The following ADAMTSL1 variants were observed in gnomAD, a reference collection of about 807,000 sequenced individuals.
ADAMTSL1 encodes the protein ADAMTS-like protein 1.
A neutral mutation model predicts 201.8 loss-of-function variants in ADAMTSL1; 126 were observed. The ratio of observed to expected loss-of-function variants is 0.62; its 90% CI spans 0.54 to 0.72. The LOEUF (loss-of-function observed/expected upper bound fraction) is 0.72. ADAMTSL1 is among the 30% of genes least tolerant of loss of function. The pLI, the probability that ADAMTSL1 is intolerant of heterozygous loss-of-function variation, is 0.00. For synonymous variants in ADAMTSL1, 1,121 were observed against 903.4 expected, an observed-to-expected ratio of 1.24 and a Z score of -4.32; for missense variants, 2,679 against 2,277.8, an observed-to-expected ratio of 1.18 and a Z score of -3.59.
intron 26 of ADAMTSL1, among the ~76,000 whole-genome samples, chr9:18,902,114 T>C (rs912229391): frequency 3.3e-5 from 5 of 152,288 alleles, no homozygotes; most frequent in Admixed American, 1.3e-4. Context: ...CCAAAGTATA[T>C]GAATCAAACA....
intron 23 of ADAMTSL1, among the ~76,000 whole-genome samples, chr9:18,842,715 G>T (rs1825806468): frequency 6.6e-6 from 1 of 152,100 alleles, no homozygotes; most frequent in Admixed American, 6.6e-5. Context: ...GAATCTGGGT[G>T]CTCCCATATT....
intron 2 of ADAMTSL1, among the ~76,000 whole-genome samples, chr9:18,302,003 G>A (rs1338030999): frequency 6.6e-6 from 1 of 152,192 alleles, no homozygotes; most frequent in Non-Finnish European, 1.5e-5. Flanking sequence ...TATGTCCAAA[G>A]AGAAAGTCTG....
At chr9:18,763,100 T>C (rs937801018) in intron 16 of ADAMTSL1, among the ~76,000 whole-genome samples, 2 of 152,210 alleles carry the variant, frequency 1.3e-5, no homozygotes, top group Non-Finnish European at 2.9e-5. Flanking sequence ...TCCATAGTGG[T>C]TGTACTAATT....
chr9:18,877,096 G>C (rs7873491), intron 23 of ADAMTSL1, among the ~76,000 whole-genome samples: 3,619 of 151,948 alleles, frequency 0.024, 153 homozygotes, highest in African/African-American at 0.083. Context: ...AGTTATGATT[G>C]TTTTTTATTT....
At chr9:18,797,804 A>G (rs1244154546) in intron 20 of ADAMTSL1, among the ~76,000 whole-genome samples, 1 of 152,218 alleles carries the variant, frequency 6.6e-6, no homozygotes, top group Non-Finnish European at 1.5e-5. Context: ...ACTTAACCCA[A>G]TGCCAGGCAC....
upstream of ADAMTSL1, among the ~76,000 whole-genome samples, chr9:18,471,601 T>C (rs537926388): frequency 4.6e-5 from 7 of 152,328 alleles, no homozygotes; most frequent in Admixed American, 2.6e-4. Context: ...TCTGAAGTTA[T>C]AGTAAATTTG....
intron 1 of ADAMTSL1, among the ~76,000 whole-genome samples, chr9:17,985,934 C>T (rs1481473329): frequency 6.6e-6 from 1 of 152,112 alleles, no homozygotes; most frequent in Non-Finnish European, 1.5e-5. Context: ...TGGCCCAGGA[C>T]TCTTGTTCCA....
intron 9 of ADAMTSL1, among the ~76,000 whole-genome samples, chr9:18,674,415 A>G (rs1830017204): frequency 6.6e-6 from 1 of 152,016 alleles, no homozygotes; most frequent in African/African-American, 2.4e-5. Context: ...TCTCTCATGT[A>G]TCCCCTAACC....
intron 23 of ADAMTSL1, among the ~76,000 whole-genome samples, chr9:18,869,686 A>G (rs557318522): frequency 6.6e-6 from 1 of 152,294 alleles, no homozygotes; most frequent in Admixed American, 6.5e-5. Flanking sequence ...GTCAACCATC[A>G]TTCACATCAT....
At chr9:18,371,651 A>C (rs59057443) in intron 2 of ADAMTSL1, among the ~76,000 whole-genome samples, 6,232 of 152,314 alleles carry the variant, frequency 0.041, 244 homozygotes, top group African/African-American at 0.1. Context: ...CATGAAATAC[A>C]TGCCCCTAAA....
intron 3 of ADAMTSL1, among the ~76,000 whole-genome samples, chr9:18,565,175 G>A (rs1821797586): frequency 6.6e-6 from 1 of 152,182 alleles, no homozygotes; most frequent in Non-Finnish European, 1.5e-5. Context: ...TATCTTTTAT[G>A]TCTGGACCTG....
rs190431074 is a variant in ADAMTSL1 at position 18,778,443 on chromosome 9, A to G, written c.3677+537A>G. Among the ~76,000 whole-genome samples the G allele has an allele frequency of 9.4e-3, 1,434 of 152,282 alleles. 13 individuals are homozygous for G. Among genetic ancestry groups the G allele is most frequent in the South Asian group, 0.018 (85 of 4,816 alleles). The stretch of plus-strand genomic sequence containing the variant: ...TTATTCCCAGTGGGACCTGTGATTG[A>G]TTATCCTAATATCTCCTGTTGTCTC... On this transcript the variant is annotated intron_variant, in intron 19 of 28. Transcript: ENST00000380548.
chr9:18,108,753 C>G (rs527597559), intron 1 of ADAMTSL1, among the ~76,000 whole-genome samples: 50 of 152,028 alleles, frequency 3.3e-4, no homozygotes, highest in African/African-American at 1.1e-3. Context: ...TTATCATGGA[C>G]TTTTGATGAG....
At chr9:18,728,747 T>C (rs1167156021) in intron 15 of ADAMTSL1, among the ~76,000 whole-genome samples, 1 of 152,100 alleles carries the variant, frequency 6.6e-6, no homozygotes, top group Non-Finnish European at 1.5e-5. Context: ...AGGAAAACCA[T>C]GAGCACAAAA....
At position 18,790,023 on chromosome 9, in the gene ADAMTSL1, C is replaced by G. The variant is rs551066443; in HGVS notation, c.3678-5374C>G. The stretch of plus-strand genomic sequence containing the variant: ...TCCCAGGTAGTAGATGGGCATTTCT[C>G]TACCCAGAACCTGAATATTTTGTCT... On this transcript the variant is annotated intron_variant, in intron 19 of 28. Coordinates refer to ENST00000380548, the MANE Select transcript of ADAMTSL1 (RefSeq NM_001040272.6). Among the ~76,000 whole-genome samples the G allele has an allele frequency of 5.3e-5, 8 of 152,262 alleles. No individual in the cohort carries two copies. In the East Asian group the frequency reaches 1.5e-3, roughly 29 times the overall value.
chr9:17,982,224 C>G (rs569449468), intron 1 of ADAMTSL1, among the ~76,000 whole-genome samples: 19 of 152,240 alleles, frequency 1.2e-4, no homozygotes, highest in South Asian at 8.3e-4. Flanking sequence ...GGTGATAAAG[C>G]CATGAAAATT....
intron 2 of ADAMTSL1, among the ~76,000 whole-genome samples, chr9:18,282,938 A>T (rs1331895212): frequency 6.6e-6 from 1 of 152,168 alleles, no homozygotes; most frequent in Non-Finnish European, 1.5e-5. Flanking sequence ...TTTTAACCTG[A>T]AGTTTTCTAT....
intron 3 of ADAMTSL1, among the ~76,000 whole-genome samples, chr9:18,561,213 G>C (rs1329050787): frequency 1.3e-5 from 2 of 152,188 alleles, no homozygotes; most frequent in Non-Finnish European, 2.9e-5. Context: ...CTGTGTCCCA[G>C]AGATTTTGGT....
At chr9:18,302,013 G>C (rs1320779258) in intron 2 of ADAMTSL1, among the ~76,000 whole-genome samples, 1 of 152,282 alleles carries the variant, frequency 6.6e-6, no homozygotes, top group South Asian at 2.1e-4. Context: ...GAGAAAGTCT[G>C]GGATGTTAGA....
Sources: gnomAD v4.1 joint callset for allele counts (sites outside exome capture counted in the v4.1 genomes callset) on GRCh38, gnomAD v4.1.1 for gene constraint, MANE v1.5 for transcripts, NCBI Gene and HGNC (gene_info 2026-07-23, HGNC 2026-07-21) for gene names.